The following OPTN variants were observed in gnomAD, a reference collection of about 807,000 sequenced individuals.
OPTN encodes the protein E3-14.7K-interacting protein.
Under a neutral mutation model 70.4 loss-of-function variants are expected in OPTN, and 54 were observed. That is an observed-to-expected ratio of 0.77 (90% CI 0.62 to 0.96). OPTN has a LOEUF of 0.96. Ranked by LOEUF, OPTN falls within the 40% of genes least tolerant of loss-of-function variation. The probability of loss-of-function intolerance (pLI) is 0.00; values close to 1 mark genes in which losing one functional copy is unlikely to be tolerated. For missense variants in OPTN, 624 were observed against 673.2 expected (o/e 0.93, Z 0.81); for synonymous variants, 256 against 248.5 (o/e 1.03, Z -0.28).
At chr10:13,107,441 C>T (rs1379995201) in intron 1 of OPTN, among the ~76,000 whole-genome samples, 3 of 144,886 alleles carry the variant, frequency 2.1e-5, no homozygotes, top group African/African-American at 5.1e-5. Context: ...TGCAGTGGCA[C>T]GATCTCGGCT....
chr10:13,126,502 G>A (rs537480410), intron 11 of OPTN, among the ~76,000 whole-genome samples: 17 of 149,618 alleles, frequency 1.1e-4, no homozygotes, highest in Non-Finnish European at 2.1e-4. Context: ...GGATGGTCTC[G>A]ATCTCCTGAC....
intron 4 of OPTN, 119 bp from the exon 5 acceptor site, chr10:13,112,334 C>G: frequency 1.1e-6 from 1 of 938,400 alleles, no homozygotes; most frequent in Non-Finnish European, 1.7e-6. Flanking sequence ...GTCTCAAAAT[C>G]CTGGCCTCAA....
At chr10:13,111,472 C>A (rs1017462782) in intron 4 of OPTN, among the ~76,000 whole-genome samples, 2 of 152,038 alleles carry the variant, frequency 1.3e-5, no homozygotes, top group African/African-American at 4.8e-5. Context: ...CTAGGGTGGG[C>A]AGATCACCTG....
At chr10:13,114,806 A>G (rs1162413999) in intron 5 of OPTN, among the ~76,000 whole-genome samples, 1 of 19,758 alleles carries the variant, frequency 5.1e-5, no homozygotes, top group African/African-American at 1.0e-4. Flanking sequence ...ATATATACAT[A>G]TATATAATTA....
chr10:13,108,651 A>G (rs1041360686), intron 2 of OPTN, among the ~76,000 whole-genome samples: 71 of 150,174 alleles, frequency 4.7e-4, no homozygotes, highest in Non-Finnish European at 1.2e-4. Context: ...GGTTCACGCC[A>G]TTCTCCTGCC....
intron 12 of OPTN, among the ~76,000 whole-genome samples, chr10:13,128,697 C>T (rs549867802): frequency 6.6e-6 from 1 of 151,552 alleles, no homozygotes; most frequent in South Asian, 2.1e-4. Flanking sequence ...CATGTGCCAA[C>T]ATGCCTGGCT....
chr10:13,120,321 G>A (rs1439786711), intron 7 of OPTN, among the ~76,000 whole-genome samples: 3 of 152,138 alleles, frequency 2.0e-5, no homozygotes, highest in East Asian at 1.9e-4. Context: ...TCTGTGGATC[G>A]TCTTTTCCCT....
chr10:13,115,122 T>G (rs1208603049), intron 5 of OPTN, among the ~76,000 whole-genome samples: 2 of 96,948 alleles, frequency 2.1e-5, no homozygotes, highest in East Asian at 6.3e-4. Flanking sequence ...ATTATATATA[T>G]ATATAAATTT....
chr10:13,136,908 G>T lies in OPTN; in HGVS notation c.*42G>T, dbSNP rs1438644582. On this transcript the variant is annotated 3_prime_UTR_variant, in exon 15 of 15. Transcript: ENST00000378747. ...TCCCCAAAACTGTTGGTAAATGTCAGATTTTTTCCTCCAAGAGTTGTGCTT... is the reference window on the plus strand; with the variant it reads ...TCCCCAAAACTGTTGGTAAATGTCATATTTTTTCCTCCAAGAGTTGTGCTT... The T allele has an allele frequency of 1.2e-6, 2 of 1,612,962 alleles. No individual in the cohort carries two copies. Among genetic ancestry groups the T allele is most frequent in the Middle Eastern group, 1.7e-4 (1 of 6,056 alleles).
In OPTN at chr10:13,119,012, G is replaced by A. The variant is rs1279774626; in HGVS notation, c.751G>A (p.Glu251Lys). ...AGGGAATCAGAAGGTGGAGAGACTTGAAGTTGCACTCAAGGAGGCCAAAGA... is the reference window on the plus strand; with the variant it reads ...AGGGAATCAGAAGGTGGAGAGACTTAAAGTTGCACTCAAGGAGGCCAAAGA... ...REGNQKVERL[E>K]VALKEAKERV... The change falls in exon 7 of 15, where the codon GAA becomes AAA. Residue 251 changes from glutamate (E) to lysine (K), a missense_variant. Transcript: ENST00000378747. The A allele has an allele frequency of 6.2e-7, 1 of 1,613,972 alleles. No homozygotes were observed. Among genetic ancestry groups the A allele is most frequent in the African/African-American group, 1.3e-5 (1 of 74,900 alleles).
chr10:13,129,699 C>T (rs1260100755), intron 12 of OPTN, among the ~76,000 whole-genome samples: 1 of 152,188 alleles, frequency 6.6e-6, no homozygotes, highest in East Asian at 1.9e-4. Flanking sequence ...TATTACCAAG[C>T]TGTCTTCTAA....
At position 13,112,526 on chromosome 10, in the gene OPTN, T is replaced by C. The variant is rs756054921; in HGVS notation, c.443T>C (p.Val148Ala). 2 of 1,613,946 alleles carry C rather than the reference T, an allele frequency of 1.2e-6. No individual in the cohort carries two copies. The highest frequency in any genetic ancestry group is 1.7e-6 in the Non-Finnish European group (2 of 1,179,990). ...QEKDQLRTQV[V>A]RLQAEKADLL... is the part of the protein sequence containing the mutation. ...AAGGACCAGCTCAGGACCCAGGTGG[T>C]GAGGCTACAAGCAGAGAAGGCAGAC... is the stretch of plus-strand genomic sequence containing the variant. Residue 148 changes from valine to alanine, a missense_variant, in exon 5 of 15, where the codon GTG (valine) becomes GCG (alanine). Val to Ala is a moderately conservative substitution (Grantham distance 64). Coordinates refer to ENST00000378747, the MANE Select transcript of OPTN (RefSeq NM_001008212.2).
chr10:13,130,148 C>G (rs552604743), intron 12 of OPTN, among the ~76,000 whole-genome samples: 2 of 152,144 alleles, frequency 1.3e-5, no homozygotes, highest in East Asian at 3.9e-4. Flanking sequence ...CAGAGACGGC[C>G]GGGCATGGTG....
chr10:13,136,180 C>T (rs1397083695), intron 14 of OPTN, among the ~76,000 whole-genome samples: 2 of 150,674 alleles, frequency 1.3e-5, no homozygotes, highest in Admixed American at 6.6e-5. Context: ...GAGCGAGACT[C>T]CATCTGTCAA....
At chr10:13,135,874 G>A (rs1295910929) in intron 14 of OPTN, among the ~76,000 whole-genome samples, 2 of 152,000 alleles carry the variant, frequency 1.3e-5, no homozygotes, top group East Asian at 1.9e-4. Context: ...ATGTATTTTC[G>A]CATACCTTGA....
rs759571063 is a variant in OPTN, at chr10:13,125,916, G to T, written c.1149-30G>T. The T allele has an allele frequency of 3.4e-6, 5 of 1,480,740 alleles. No homozygotes were observed. The East Asian group carries it at 1.1e-4, about 33-fold the overall frequency. 91.7% of individuals were successfully genotyped at this position (1,480,740 alleles called of 1,614,324 possible). ...TAAGTTTCTATGATATTTTCCCCAG[G>T]ATTCCATTTTTTAATATCTTTTTTA... On this transcript the variant is annotated intron_variant, in intron 10 of 14. Coordinates refer to ENST00000378747, the MANE Select transcript of OPTN (RefSeq NM_001008212.2).
intron 5 of OPTN, among the ~76,000 whole-genome samples, chr10:13,113,735 T>C (rs1833061352): frequency 6.6e-6 from 1 of 152,146 alleles, no homozygotes; most frequent in Non-Finnish European, 1.5e-5. Context: ...ATGGTCACTT[T>C]CGATGAGTCA....
chr10:13,108,602 A>G lies in OPTN; in HGVS notation c.-12+313A>G, dbSNP rs190957989. ...CGCTCTGTTGCCCAGGCTGGAGTGC[A>G]GTGGCGCGATCTTGGCTCACTGCAA... is the stretch of plus-strand genomic sequence containing the variant. On this transcript the variant is annotated intron_variant, in intron 2 of 14. Transcript: ENST00000378747. 1.2e-3 allele frequency among the ~76,000 whole-genome samples: 181 copies of G among 148,588 alleles called. 1 individual carries two copies. The highest frequency in any genetic ancestry group is 3.9e-3 in the African/African-American group (157 of 39,998).
chr10:13,104,254 C>CTTTTTTTTTT (rs60982439), intron 1 of OPTN, among the ~76,000 whole-genome samples: 1 of 97,840 alleles, frequency 1.0e-5, no homozygotes, highest in African/African-American at 4.0e-5. Flanking sequence ...GTTTTTTTTT[C>CTTTTTTTTTT]TTTTTTTTTT....
Sources: gnomAD v4.1 joint callset for allele counts (sites outside exome capture counted in the v4.1 genomes callset) on GRCh38, gnomAD v4.1.1 for gene constraint, MANE v1.5 for transcripts, NCBI Gene and HGNC (gene_info 2026-07-23, HGNC 2026-07-21) for gene names.